TECPR1: variants seen among roughly 807,000 people sequenced by gnomAD.
TECPR1 encodes the protein tectonin beta-propeller repeat-containing protein 1.
Under a neutral mutation model 162.4 loss-of-function variants are expected in TECPR1, and 122 were observed. The observed-to-expected ratio is 0.75, with a 90% CI of 0.65 to 0.87. TECPR1 has a LOEUF of 0.87. TECPR1 is among the 40% of genes least tolerant of loss of function. The pLI, the probability that TECPR1 is intolerant of heterozygous loss-of-function variation, is 0.00. For missense variants in TECPR1, 1,432 were observed against 1,618.2 expected, an observed-to-expected ratio of 0.88 and a Z score of 1.97; for synonymous variants, 642 against 670.6, an observed-to-expected ratio of 0.96 and a Z score of 0.66.
chr7:98,215,349 C>G lies in TECPR1; in HGVS notation c.*2041G>C, dbSNP rs1438419936. 6.6e-6 allele frequency: 1 copy of G among 152,252 alleles called. No homozygotes were observed. Among genetic ancestry groups the G allele is most frequent in the Non-Finnish European group, 1.5e-5 (1 of 68,042 alleles). The allele number at this position is 152,252 out of a possible 1,614,324, so 9.4% of individuals were successfully genotyped here. A position where few individuals can be genotyped will look rare whatever the true frequency, so the allele number is the denominator to read the frequency against. On this transcript the variant is annotated 3_prime_UTR_variant, in exon 26 of 26. Transcript: ENST00000447648. ...TGTGCTGAAAATGTTTCTCAAATGA[C>G]CCAAATTGGCTCTTATTTTTTCTAA...
intron 4 of TECPR1, 40 bp from the exon 5 acceptor site, chr7:98,244,733 A>C: frequency 6.3e-7 from 1 of 1,590,046 alleles, no homozygotes; most frequent in Non-Finnish European, 8.6e-7. Context: ...TCTGCGGGGA[A>C]GGCATTTGAA....
Position 98,217,152 on chromosome 7 carries a change from T to C in TECPR1, c.*238A>G, listed in dbSNP as rs2116517736. On this transcript the variant is annotated 3_prime_UTR_variant, in exon 26 of 26. Transcript: ENST00000447648. ...CTCTGGGAGGTGCAGCCCCACCCCA[T>C]GCCCCACACCCCGGGACTCCTCGCA... 1 of 474,834 alleles carries C rather than the reference T, an allele frequency of 2.1e-6. No individual in the cohort carries two copies. Among genetic ancestry groups the C allele is most frequent in the East Asian group, 3.5e-5 (1 of 28,728 alleles). 29.4% of individuals were successfully genotyped at this position (474,834 alleles called of 1,614,324 possible).
In TECPR1 at chr7:98,243,498, A is replaced by G; in HGVS notation, c.626T>C (p.Leu209Pro). The stretch of plus-strand genomic sequence containing the variant: ...CTGCAGAGACACAGCCCACACTGAC[A>G]GGCGGCCCACAGGCTCCTCCGTGAT... ...WEITEEPVGR[L>P]SVWAVSLQGK... The change falls in exon 6 of 26, where the codon CTG becomes CCG. Residue 209 changes from leucine to proline, a missense_variant. Leu to Pro is a moderately conservative substitution (Grantham distance 98). Transcript: ENST00000447648. The G allele has an allele frequency of 6.2e-7, 1 of 1,612,656 alleles. No individual in the cohort carries two copies. The highest frequency in any genetic ancestry group is 1.1e-5 in the South Asian group (1 of 91,076).
chr7:98,230,157 T>C (rs571444566), intron 15 of TECPR1, among the ~76,000 whole-genome samples: 1 of 151,804 alleles, frequency 6.6e-6, no homozygotes, highest in African/African-American at 2.4e-5. Flanking sequence ...ACACCATGCC[T>C]TGCTAACTTT....
intron 11 of TECPR1, 51 bp from the exon 12 acceptor site, chr7:98,233,023 G>C (rs758438667): frequency 4.6e-6 from 7 of 1,535,194 alleles, no homozygotes; most frequent in South Asian, 1.2e-5. Flanking sequence ...GCCCGCAGCT[G>C]GGCAGGAAGC....
At chr7:98,230,579 G>A (rs975326819) in intron 15 of TECPR1, among the ~76,000 whole-genome samples, 3 of 152,158 alleles carry the variant, frequency 2.0e-5, no homozygotes, top group African/African-American at 7.2e-5. Flanking sequence ...TGCAGCAGGG[G>A]CTCAGCTGGA....
At chr7:98,234,211 G>T (rs926505555) in intron 10 of TECPR1, among the ~76,000 whole-genome samples, 1 of 152,192 alleles carries the variant, frequency 6.6e-6, no homozygotes, top group Non-Finnish European at 1.5e-5. Flanking sequence ...GGGGTGCAGG[G>T]GCACAATCTC....
At chr7:98,218,835 T>G (rs1798080003) in intron 23 of TECPR1, among the ~76,000 whole-genome samples, 1 of 152,106 alleles carries the variant, frequency 6.6e-6, no homozygotes, top group African/African-American at 2.4e-5. Flanking sequence ...ACAGATTCAA[T>G]GCAATTCCTA....
chr7:98,222,548 G>A (rs1427370064), intron 21 of TECPR1, 27 bp from the exon 22 acceptor site: 1 of 1,553,388 alleles, frequency 6.4e-7, no homozygotes, highest in South Asian at 1.2e-5. Flanking sequence ...GGGGCGCTGA[G>A]GTCACCAGGG....
chr7:98,243,728 C>A (rs1798829253), intron 5 of TECPR1, 136 bp from the exon 6 acceptor site: 2 of 1,224,834 alleles, frequency 1.6e-6, no homozygotes, highest in Admixed American at 2.7e-5. Context: ...ACAGGGAAGG[C>A]AGCATCAGGA....
Position 98,221,757 on chromosome 7 carries a change from C to A in TECPR1, c.3065-4G>T, listed in dbSNP as rs570479856. The A allele has an allele frequency of 1.9e-6, 3 of 1,610,872 alleles. No homozygotes were observed. Among genetic ancestry groups the A allele is most frequent in the Middle Eastern group, 1.7e-4 (1 of 6,012 alleles). ...GGGATGTGGTACCAGCAGTCACCTG[C>A]GAAGGGGAGGCTGACTCAGGCACGC... On this transcript the variant is annotated splice_polypyrimidine_tract_variant and splice_region_variant and intron_variant, in intron 22 of 25. Coordinates refer to ENST00000447648, the MANE Select transcript of TECPR1 (RefSeq NM_015395.3).
At chr7:98,226,653 C>A (rs1011999747) in intron 17 of TECPR1, 1 of 1,091,870 alleles carries the variant, frequency 9.2e-7, no homozygotes, top group South Asian at 2.2e-5. Context: ...GGAGGCCGGG[C>A]GCAGTGGCTC....
chr7:98,247,566 C>T (rs778474370), intron 2 of TECPR1, among the ~76,000 whole-genome samples: 1 of 152,084 alleles, frequency 6.6e-6, no homozygotes, highest in Non-Finnish European at 1.5e-5. Context: ...GCCATGTTGG[C>T]CTCTATCTGG....
chr7:98,217,938 G>C lies in TECPR1; in HGVS notation c.3262C>G (p.Gln1088Glu), dbSNP rs1487351462. ...CGATACCCCCTGAGCACCCCCACCT[G>C]GTCCAGGGGCCCCACGGACACTCGG... ...VCRVSVGPLD[Q>E]VWVIANKVQG... is the part of the protein sequence containing the mutation. Residue 1088 changes from glutamine (Q) to glutamate (E), a missense_variant and splice_region_variant, in exon 24 of 26, where the codon CAG becomes GAG. Transcript: ENST00000447648. The C allele has an allele frequency of 1.3e-6, 2 of 1,553,496 alleles. No individual in the cohort carries two copies. The highest frequency in any genetic ancestry group is 1.7e-6 in the Non-Finnish European group (2 of 1,148,592).
In TECPR1 at chr7:98,231,778, C is replaced by T. The variant is rs769522100; in HGVS notation, c.1974+26G>A. ...CCAGCCCTGTGTCCCCTCCCTGGCC[C>T]CATCTCCTGTGGGACCCGTGGGCAC... is the stretch of plus-strand genomic sequence containing the variant. On this transcript the variant is annotated intron_variant, in intron 13 of 25. Coordinates refer to ENST00000447648, the MANE Select transcript of TECPR1 (RefSeq NM_015395.3). 2.8e-5 allele frequency: 45 copies of T among 1,603,612 alleles called. No individual in the cohort carries two copies. The South Asian group carries it at 4.8e-4, about 17-fold the overall frequency.
Position 98,223,526 on chromosome 7 carries a change from C to T in TECPR1, c.2747+136G>A, listed in dbSNP as rs1452810748. The stretch of plus-strand genomic sequence containing the variant: ...AGATTCGGCTTCCCTCTTCACCCTA[C>T]TCCCCACTGCTTCTTCCCTTGGGAC... On this transcript the variant is annotated intron_variant, in intron 20 of 25. Coordinates refer to ENST00000447648, the MANE Select transcript of TECPR1 (RefSeq NM_015395.3). 63 of 874,380 alleles carry T rather than the reference C, an allele frequency of 7.2e-5. 1 individual carries two copies. The highest frequency in any genetic ancestry group is 1.0e-4 in the Non-Finnish European group (59 of 563,788). The allele number at this position is 874,380 out of a possible 1,614,324, so 54.2% of individuals were successfully genotyped here.
chr7:98,241,041 T>C lies in TECPR1; in HGVS notation c.832+29A>G. 6.3e-7 allele frequency: 1 copy of C among 1,591,824 alleles called. No homozygotes were observed. Among genetic ancestry groups the C allele is most frequent in the Non-Finnish European group, 8.6e-7 (1 of 1,168,744 alleles). On this transcript the variant is annotated intron_variant, in intron 7 of 25. Coordinates refer to ENST00000447648, the MANE Select transcript of TECPR1 (RefSeq NM_015395.3). The surrounding 1 kb of genome is among the most constrained non-coding windows in gnomAD (Gnocchi z 5.0). ...CCTCACCCTTCTCCCCAGTACAGGG[T>C]ATGTGGGTGGGGGAGCCGGGCTGCC...
At chr7:98,233,086 T>A in intron 11 of TECPR1, 114 bp from the exon 12 acceptor site, 1 of 1,280,256 alleles carries the variant, frequency 7.8e-7, no homozygotes. Context: ...AGCTACGCTC[T>A]CTGTTAAGCC....
chr7:98,224,777 G>A lies in TECPR1; in HGVS notation c.2690+24C>T, dbSNP rs369237240. ...CCTGACATTCAGGACCCAGCCCGAAGGCCCTGTGCAGGGAGAGGCTTACGC... is the reference window on the plus strand; with the variant it reads ...CCTGACATTCAGGACCCAGCCCGAAAGCCCTGTGCAGGGAGAGGCTTACGC... On this transcript the variant is annotated intron_variant, in intron 19 of 25. Transcript: ENST00000447648. 34 of 1,562,136 alleles carry A rather than the reference G, an allele frequency of 2.2e-5. No homozygotes were observed. In the African/African-American group the frequency reaches 4.2e-4, roughly 19 times the overall value.
Sources: allele counts gnomAD v4.1 joint callset (sites outside exome capture counted in the v4.1 genomes callset), GRCh38; gene constraint gnomAD v4.1.1; non-coding constraint Gnocchi (gnomAD v3.1); transcripts MANE v1.5; gene names NCBI Gene and HGNC (gene_info 2026-07-23, HGNC 2026-07-21).